The following AMPH variants were observed in gnomAD, a reference collection of about 807,000 sequenced individuals.
The protein encoded by AMPH is amphiphysin (Stiff-Mann syndrome with breast cancer 128kD autoantigen).
In AMPH, 49 loss-of-function variants were observed where a neutral mutation model predicts 99.1. That is an observed-to-expected ratio of 0.49 (90% confidence interval 0.39 to 0.63). The LOEUF (loss-of-function observed/expected upper bound fraction) is 0.63. Among genes scored for constraint, AMPH ranks in the 20% least tolerant of loss-of-function variants. The pLI is 0.00. For missense variants in AMPH, 759 were observed against 863.4 expected, an observed-to-expected ratio of 0.88 and a Z score of 1.52; for synonymous variants, 314 against 317.3, an observed-to-expected ratio of 0.99 and a Z score of 0.11.
chr7:38,613,271 T>C (rs1213454464), intron 1 of AMPH, among the ~76,000 whole-genome samples: 3 of 151,938 alleles, frequency 2.0e-5, no homozygotes, highest in Non-Finnish European at 4.4e-5. Flanking sequence ...AAGTCACCCT[T>C]TCTAAAACGT....
At position 38,436,260 on chromosome 7, in the gene AMPH, A is replaced by G; in HGVS notation, c.1134+12T>C. Reference sequence around the variant, plus strand: ...ATGAAATATCTCCAAACATCCAAAAAGCACCTGATACCTGAGACATGGGTG... The same window carrying G: ...ATGAAATATCTCCAAACATCCAAAAGGCACCTGATACCTGAGACATGGGTG... On this transcript the variant is annotated intron_variant, in intron 12 of 20. Coordinates refer to ENST00000356264, the MANE Select transcript of AMPH (RefSeq NM_001635.4). The G allele has an allele frequency of 6.2e-7, 1 of 1,603,614 alleles. No individual in the cohort carries two copies. The highest frequency in any genetic ancestry group is 1.1e-5 in the South Asian group (1 of 90,880).
intron 13 of AMPH, 118 bp from the exon 14 acceptor site, chr7:38,429,983 G>A: frequency 1.0e-6 from 1 of 972,016 alleles, no homozygotes. Flanking sequence ...TACTGGTTTA[G>A]GAACAAATTT....
chr7:38,626,515 C>A (rs1584320919), intron 1 of AMPH, among the ~76,000 whole-genome samples: 1 of 152,304 alleles, frequency 6.6e-6, no homozygotes, highest in East Asian at 1.9e-4. Context: ...AAACTGGACC[C>A]CTTCCTTACA....
intron 17 of AMPH, among the ~76,000 whole-genome samples, chr7:38,403,809 G>A (rs891907108): frequency 6.6e-6 from 1 of 152,224 alleles, no homozygotes; most frequent in African/African-American, 2.4e-5. Context: ...ACCCACCATT[G>A]TGGATGCAGA....
intron 5 of AMPH, among the ~76,000 whole-genome samples, chr7:38,489,582 G>T (rs1395974446): frequency 6.6e-6 from 1 of 152,044 alleles, no homozygotes; most frequent in Non-Finnish European, 1.5e-5. Flanking sequence ...AGAGTAAAAT[G>T]CAAGCTATAG....
intron 2 of AMPH, among the ~76,000 whole-genome samples, chr7:38,513,181 A>G (rs919012544): frequency 6.6e-6 from 1 of 152,230 alleles, no homozygotes; most frequent in African/African-American, 2.4e-5. Flanking sequence ...ATTTCCAATA[A>G]GAATAATATT....
At chr7:38,548,185 C>T (rs1298552423) in intron 1 of AMPH, among the ~76,000 whole-genome samples, 34 of 152,076 alleles carry the variant, frequency 2.2e-4, no homozygotes, top group African/African-American at 8.2e-4. Context: ...CCCACCACCA[C>T]ACCCGGCTAA....
intron 1 of AMPH, among the ~76,000 whole-genome samples, chr7:38,548,300 A>C (rs949287889): frequency 2.0e-5 from 3 of 151,956 alleles, no homozygotes; most frequent in African/African-American, 7.3e-5. Context: ...AAGTGCTGGG[A>C]TTACAGGCTT....
At chr7:38,478,552 A>G (rs370012037) in intron 5 of AMPH, among the ~76,000 whole-genome samples, 1 of 152,182 alleles carries the variant, frequency 6.6e-6, no homozygotes, top group East Asian at 1.9e-4. Context: ...CTGGCATTCA[A>G]TCAAAAATTA....
At chr7:38,597,940 C>T (rs1793115582) in intron 1 of AMPH, among the ~76,000 whole-genome samples, 1 of 152,192 alleles carries the variant, frequency 6.6e-6, no homozygotes, top group East Asian at 1.9e-4. Flanking sequence ...CACCCTTATC[C>T]TCTGAGAACA....
At chr7:38,534,490 T>C (rs112668502) in intron 2 of AMPH, among the ~76,000 whole-genome samples, 3 of 152,180 alleles carry the variant, frequency 2.0e-5, no homozygotes, top group South Asian at 2.1e-4. Context: ...CTGGGCAACA[T>C]GGCAAAACCC....
chr7:38,494,320 G>A (rs1788841939), intron 4 of AMPH, 113 bp downstream of exon 4: 5 of 900,954 alleles, frequency 5.5e-6, no homozygotes, highest in Non-Finnish European at 9.1e-6. Context: ...AGTGCCTTCT[G>A]AGCACACTGT....
rs531244233 is a variant in AMPH, at chr7:38,468,712, G to A, written c.591-2464C>T. Among the ~76,000 whole-genome samples the A allele has an allele frequency of 2.0e-5, 3 of 152,268 alleles. No homozygotes were observed. The South Asian group carries it at 6.2e-4, about 32-fold the overall frequency. ...TAACTAGTTCACTATTACAGCCCTAGCACCTAGTACACGGCAAGCATGAGT... is the reference window on the plus strand; with the variant it reads ...TAACTAGTTCACTATTACAGCCCTAACACCTAGTACACGGCAAGCATGAGT... On this transcript the variant is annotated intron_variant, in intron 7 of 20. Transcript: ENST00000356264.
chr7:38,593,485 C>T (rs1296561914), intron 1 of AMPH, among the ~76,000 whole-genome samples: 3 of 152,344 alleles, frequency 2.0e-5, no homozygotes, highest in Admixed American at 1.3e-4. Context: ...TACATTAAGT[C>T]AAATGAAAAT....
intron 10 of AMPH, among the ~76,000 whole-genome samples, chr7:38,462,725 C>A (rs569000107): frequency 6.6e-6 from 1 of 152,106 alleles, no homozygotes; most frequent in Non-Finnish European, 1.5e-5. Context: ...AGAGCATGCT[C>A]GCCTGAGCAT....
Position 38,464,237 on chromosome 7 carries a change from C to T in AMPH, c.750-1124G>A, listed in dbSNP as rs542083742. 6.4e-6 allele frequency: 5 copies of T among 779,602 alleles called. No homozygotes were observed. The East Asian group carries it at 2.6e-4, about 40-fold the overall frequency. 48.3% of individuals were successfully genotyped at this position (779,602 alleles called of 1,614,324 possible). On this transcript the variant is annotated intron_variant, in intron 9 of 20. Coordinates refer to ENST00000356264, the MANE Select transcript of AMPH (RefSeq NM_001635.4). ...CTTTCATTTCCATGTAAGGGAACAACCCTAAATTTTTTCATGCACTTCATT... is the reference window on the plus strand; with the variant it reads ...CTTTCATTTCCATGTAAGGGAACAATCCTAAATTTTTTCATGCACTTCATT...
At chr7:38,421,066 T>C (rs1412189043) in intron 16 of AMPH, 1 of 456,464 alleles carries the variant, frequency 2.2e-6, no homozygotes, top group African/African-American at 2.0e-5. Context: ...ATGCTGAACA[T>C]GACAAAGCTA....
chr7:38,585,381 T>G (rs1792608181), intron 1 of AMPH, among the ~76,000 whole-genome samples: 1 of 152,146 alleles, frequency 6.6e-6, no homozygotes, highest in South Asian at 2.1e-4. Flanking sequence ...ACTTGGCCAC[T>G]AGCTCCCAGC....
At chr7:38,466,069 A>G (rs1484264832) in intron 8 of AMPH, 104 bp downstream of exon 8, 1 of 920,992 alleles carries the variant, frequency 1.1e-6, no homozygotes, top group East Asian at 2.6e-5. Flanking sequence ...AGAAACATAC[A>G]AAAGGGTGAA....
Sources: gnomAD v4.1 joint callset for allele counts (sites outside exome capture counted in the v4.1 genomes callset) on GRCh38, gnomAD v4.1.1 for gene constraint, MANE v1.5 for transcripts, NCBI Gene and HGNC (gene_info 2026-07-23, HGNC 2026-07-21) for gene names.